Variants in MARK2 observed in about 807,000 individuals in gnomAD.
MARK2 encodes the protein microtubule affinity regulating kinase 2.
In MARK2, 16 loss-of-function variants were observed where a neutral mutation model predicts 89.8. That is an observed-to-expected ratio of 0.18 (90% confidence interval 0.12 to 0.27). MARK2 has a LOEUF of 0.27. Among genes scored for constraint, MARK2 ranks in the 10% least tolerant of loss-of-function variants. MARK2 has a pLI of 1.00. For synonymous variants in MARK2, 382 were observed against 399.5 expected, an observed-to-expected ratio of 0.96 and a Z score of 0.52; for missense variants, 621 against 1,049.9, an observed-to-expected ratio of 0.59 and a Z score of 5.65.
chr11:63,895,964 C>T (rs1467064623), intron 3 of MARK2, among the ~76,000 whole-genome samples: 8 of 152,116 alleles, frequency 5.3e-5, no homozygotes, highest in Admixed American at 5.2e-4. Flanking sequence ...ACCACTGCCC[C>T]CAGCCCACCT....
Position 63,895,574 on chromosome 11 carries a change from C to G in MARK2, c.235-6C>G. The G allele has an allele frequency of 6.2e-7, 1 of 1,612,992 alleles. No individual in the cohort carries two copies. Among genetic ancestry groups the G allele is most frequent in the South Asian group, 1.1e-5 (1 of 91,050 alleles). ...GTGATTTGGGGCCTTTTTGTCTCAT[C>G]CTCAGGTAGCTGTGAAGATCATTGA... On this transcript the variant is annotated splice_region_variant and splice_polypyrimidine_tract_variant and intron_variant, in intron 2 of 18. Transcript: ENST00000402010.
intron 1 of MARK2, chr11:63,888,452 G>A (rs1159558189): frequency 2.3e-6 from 2 of 879,902 alleles, no homozygotes; most frequent in East Asian, 1.3e-4. Context: ...ACCCAGCAAA[G>A]CACCTTGGGG....
At position 63,908,288 on chromosome 11, in the gene MARK2, C is replaced by T. The variant is rs1369701108; in HGVS notation, c.1990C>T (p.Arg664Ter). The T allele has an allele frequency of 1.9e-6, 3 of 1,564,228 alleles. No homozygotes were observed. The highest frequency in any genetic ancestry group is 8.7e-7 in the Non-Finnish European group (1 of 1,153,666). ...RNLNEPESKD[R>*]VETLRPHVVG... is the part of the protein sequence containing the mutation. ...CCTGAATGAACCTGAAAGCAAAGAC[C>T]GAGTGGAGACGCTCAGGTGAGAGGG... The change falls in exon 18 of 19, where the codon CGA becomes TGA. Residue 664 changes from arginine to a stop codon, truncating the protein, a stop_gained. Transcript: ENST00000402010. LOFTEE classifies it high-confidence loss of function.
Position 63,903,188 on chromosome 11 carries a change from TC to T in MARK2, c.1514+33del. On this transcript the variant is annotated intron_variant, in intron 14 of 18. Coordinates refer to ENST00000402010, the MANE Select transcript of MARK2 (RefSeq NM_001039469.3). This position sits in a 1 kb window ranked among gnomAD's most constrained non-coding sequence, Gnocchi z 5.1. ...GAGACCCGGGCCCTGCCTGCCTCAC[TC>T]CCTAGGAGCCATGTCTCACAGGGTG... The T allele has an allele frequency of 6.5e-7, 1 of 1,528,104 alleles. No homozygotes were observed. Among genetic ancestry groups the T allele is most frequent in the African/African-American group, 1.4e-5 (1 of 73,264 alleles). The allele number at this position is 1,528,104 out of a possible 1,614,324, so 94.7% of individuals were successfully genotyped here.
chr11:63,874,394 G>T, intron 1 of MARK2, among the ~76,000 whole-genome samples: 1 of 152,088 alleles, frequency 6.6e-6, no homozygotes, highest in East Asian at 1.9e-4. Context: ...AGCCCTACAT[G>T]CTTTGCTTGG....
intron 1 of MARK2, among the ~76,000 whole-genome samples, chr11:63,886,915 C>T (rs570038098): frequency 7.3e-4 from 111 of 152,358 alleles, no homozygotes; most frequent in Non-Finnish European, 1.4e-3. Flanking sequence ...GCTGTTTGAT[C>T]CTGCTCTGGT....
chr11:63,841,336 A>G (rs952421690), intron 1 of MARK2, among the ~76,000 whole-genome samples: 2 of 152,080 alleles, frequency 1.3e-5, no homozygotes, highest in Non-Finnish European at 2.9e-5. Context: ...TGACCCTTTT[A>G]TTACTTGTGG....
intron 1 of MARK2, among the ~76,000 whole-genome samples, chr11:63,886,183 G>GAAT (rs1939388688): frequency 4.0e-5 from 6 of 151,690 alleles, no homozygotes; most frequent in Admixed American, 3.9e-4. Context: ...CTGGAGTGCA[G>GAAT]TGGCACGATC....
rs1057179 is a variant in MARK2, at chr11:63,902,287, C to T, written c.1191C>T (p.Arg397=). The change falls in exon 12 of 19, where the codon CGC becomes CGT. Residue 397 remains arginine, a synonymous_variant. Transcript: ENST00000402010. This position sits in a 1 kb window ranked among gnomAD's most constrained non-coding sequence, Gnocchi z 4.2. ...CATCCCCATCCCACAAGGTACAGCG[C>T]AGCGTGTCGGCCAATCCCAAGCAGC... ...SAPSPSHKVQ[R]SVSANPKQRR... The T allele has an allele frequency of 7.4e-6, 12 of 1,614,026 alleles. No homozygotes were observed. Among genetic ancestry groups the T allele is most frequent in the Non-Finnish European group, 1.0e-5 (12 of 1,180,014 alleles).
chr11:63,873,702 G>C (rs1938582443), intron 1 of MARK2, among the ~76,000 whole-genome samples: 2 of 152,182 alleles, frequency 1.3e-5, no homozygotes, highest in Admixed American at 1.3e-4. Context: ...CTGGAGTGCA[G>C]TGGCGCGATC....
chr11:63,867,698 A>G (rs1455600958), intron 1 of MARK2, among the ~76,000 whole-genome samples: 2 of 152,232 alleles, frequency 1.3e-5, no homozygotes, highest in African/African-American at 4.8e-5. Flanking sequence ...CTGGTTCTTC[A>G]GTGAGTTTCC....
intron 17 of MARK2, 29 bp downstream of exon 17, chr11:63,906,143 G>C (rs772331089): frequency 3.9e-6 from 5 of 1,295,628 alleles, no homozygotes; most frequent in South Asian, 5.6e-5. Context: ...GTGTGTGTGT[G>C]TGTGTGTGTG....
At position 63,902,329 on chromosome 11, in the gene MARK2, G is replaced by A; in HGVS notation, c.1233G>A (p.Gln411=). Residue 411 remains glutamine (Q), a splice_region_variant and synonymous_variant, in exon 12 of 19, where the codon CAG becomes CAA. Transcript: ENST00000402010. The surrounding 1 kb of genome is among the most constrained non-coding windows in gnomAD (Gnocchi z 4.2). The part of the protein sequence containing the change: ...ANPKQRRFSD[Q]AAGPAIPTSN... ...CCAAGCAGCGGCGCTTCAGCGACCA[G>A]GGTAAATGCTTTTGGGAGTTGTAGG... 1 of 1,614,016 alleles carries A rather than the reference G, an allele frequency of 6.2e-7. No individual in the cohort carries two copies. Among genetic ancestry groups the A allele is most frequent in the Non-Finnish European group, 8.5e-7 (1 of 1,179,956 alleles).
chr11:63,851,326 A>G (rs1033817787), intron 1 of MARK2, among the ~76,000 whole-genome samples: 1 of 152,086 alleles, frequency 6.6e-6, no homozygotes, highest in African/African-American at 2.4e-5. Flanking sequence ...ACTCATGGAG[A>G]TGCCAGGCAT....
chr11:63,859,338 G>A (rs75411373), intron 1 of MARK2, among the ~76,000 whole-genome samples: 14,020 of 147,156 alleles, frequency 0.095, 906 homozygotes, highest in South Asian at 0.23. Context: ...TTTTTTCCCC[G>A]AGAAGGAGTC....
At chr11:63,848,740 TA>T (rs780172721) in intron 1 of MARK2, among the ~76,000 whole-genome samples, 6 of 151,010 alleles carry the variant, frequency 4.0e-5, no homozygotes, top group African/African-American at 9.7e-5. Flanking sequence ...TTTTTTTTTT[TA>T]AAGTAGAGAT....
In MARK2 at chr11:63,895,276, A is replaced by G; in HGVS notation, c.172A>G (p.Thr58Ala). ...CATTGGAAACTACCGGCTCCTCAAG[A>G]CCATTGGCAAGGGTAATTTTGCCAA... ...PHIGNYRLLK[T>A]IGKGNFAKVK... is the part of the protein sequence containing the mutation. Residue 58 changes from threonine to alanine, a missense_variant, in exon 2 of 19, where the codon ACC (threonine) becomes GCC (alanine). Physicochemically the swap from Thr to Ala is moderately conservative, Grantham distance 58 (BLOSUM62 0). Transcript: ENST00000402010. 2.5e-6 allele frequency: 4 copies of G among 1,614,066 alleles called. No individual in the cohort carries two copies. Among genetic ancestry groups the G allele is most frequent in the Non-Finnish European group, 3.4e-6 (4 of 1,180,020 alleles).
intron 1 of MARK2, among the ~76,000 whole-genome samples, chr11:63,859,570 T>G (rs1053548837): frequency 1.3e-5 from 2 of 151,986 alleles, no homozygotes; most frequent in Non-Finnish European, 2.9e-5. Flanking sequence ...CCACCCACCT[T>G]GGCCTCCCAA....
chr11:63,847,563 A>G (rs1213252046), intron 1 of MARK2, among the ~76,000 whole-genome samples: 1 of 152,210 alleles, frequency 6.6e-6, no homozygotes, highest in Non-Finnish European at 1.5e-5. Context: ...GAAGTTGGCA[A>G]TACAAAGGTC....
Sources: gnomAD v4.1 joint callset for allele counts (sites outside exome capture counted in the v4.1 genomes callset) on GRCh38, gnomAD v4.1.1 for gene constraint, Gnocchi (gnomAD v3.1) non-coding constraint, MANE v1.5 for transcripts, NCBI Gene and HGNC (gene_info 2026-07-23, HGNC 2026-07-21) for gene names.